FGFR3: variants seen among roughly 807,000 people sequenced by gnomAD.
FGFR3 encodes the protein fibroblast growth factor receptor 3, also known as FGFR-3.
A neutral mutation model predicts 82.9 loss-of-function variants in FGFR3; 25 were observed. The observed-to-expected ratio is 0.30, with a 90% CI of 0.22 to 0.42. The LOEUF is 0.42. Among genes scored for constraint, FGFR3 ranks in the 10% least tolerant of loss-of-function variants. FGFR3 has a pLI of 1.00. For synonymous variants in FGFR3, 620 were observed against 516.0 expected, an observed-to-expected ratio of 1.20 and a Z score of -2.73; for missense variants, 1,026 against 1,161.0, an observed-to-expected ratio of 0.88 and a Z score of 1.69.
chr4:1,796,884 A>G (rs1189341218), intron 2 of FGFR3, among the ~76,000 whole-genome samples: 2 of 152,106 alleles, frequency 1.3e-5, no homozygotes, highest in Admixed American at 6.6e-5. Context: ...TTTGTGCCAC[A>G]GTGGGGGAAA....
Position 1,803,784 on chromosome 4 carries a change from G to A in FGFR3, c.1023G>A (p.Ala341=), listed in dbSNP as rs147833498. ...FEDAGEYTCL[A]GNSIGFSHHS... is the part of the protein sequence containing the mutation. ...ACGCCGGGGAGTACACCTGCCTGGCGGGCAATTCTATTGGGTTTTCTCATC... is the reference window on the plus strand; with the variant it reads ...ACGCCGGGGAGTACACCTGCCTGGCAGGCAATTCTATTGGGTTTTCTCATC... Residue 341 remains alanine, a synonymous_variant, in exon 8 of 18, where the codon GCG becomes GCA. Coordinates refer to ENST00000440486, the MANE Select transcript of FGFR3 (RefSeq NM_000142.5). 1.0e-4 allele frequency: 164 copies of A among 1,614,084 alleles called. 1 individual carries two copies. The African/African-American group carries it at 1.3e-3, about 13-fold the overall frequency.
At chr4:1,802,521 G>C (rs536289125) in intron 7 of FGFR3, among the ~76,000 whole-genome samples, 5 of 152,216 alleles carry the variant, frequency 3.3e-5, no homozygotes. Context: ...GGACGGTTGC[G>C]ACACTCAAAG....
chr4:1,798,649 G>A (rs918912225), intron 2 of FGFR3, among the ~76,000 whole-genome samples: 13 of 151,590 alleles, frequency 8.6e-5, no homozygotes, highest in East Asian at 5.9e-4. Flanking sequence ...CTTCCTTCTC[G>A]CCTGTTCTGT....
At position 1,807,813 on chromosome 4, in the gene FGFR3, G is replaced by A. The variant is rs896389388; in HGVS notation, c.*551G>A. On this transcript the variant is annotated 3_prime_UTR_variant, in exon 18 of 18. Coordinates refer to ENST00000440486, the MANE Select transcript of FGFR3 (RefSeq NM_000142.5). ...GAGACTGAAATTACGGGTACCTGAAGATGGGAGCCTTTACCTTTTATGCAA... is the reference window on the plus strand; with the variant it reads ...GAGACTGAAATTACGGGTACCTGAAAATGGGAGCCTTTACCTTTTATGCAA... The A allele has an allele frequency of 4.1e-6, 2 of 486,978 alleles. No individual in the cohort carries two copies. The highest frequency in any genetic ancestry group is 7.8e-6 in the Non-Finnish European group (2 of 255,820). 30.2% of individuals were successfully genotyped at this position (486,978 alleles called of 1,614,324 possible). A position where few individuals can be genotyped will look rare whatever the true frequency, so the allele number is the denominator to read the frequency against.
At chr4:1,794,521 C>T (rs914145365) in intron 2 of FGFR3, among the ~76,000 whole-genome samples, 1 of 152,162 alleles carries the variant, frequency 6.6e-6, no homozygotes, top group Non-Finnish European at 1.5e-5. Flanking sequence ...CCTGCCCGCC[C>T]GAAGAGGCAG....
At chr4:1,803,130 T>C (rs1721408225) in intron 7 of FGFR3, 4 of 1,432,556 alleles carry the variant, frequency 2.8e-6, no homozygotes, top group Non-Finnish European at 3.7e-6. Flanking sequence ...CCGCGCGCCC[T>C]GCACGCCCCG....
chr4:1,806,428 G>A, intron 15 of FGFR3, 101 bp downstream of exon 15: 1 of 1,604,514 alleles, frequency 6.2e-7, no homozygotes, highest in East Asian at 2.2e-5. Context: ...GGAGCTCCTG[G>A]GTGTGGTTTC....
intron 4 of FGFR3, among the ~76,000 whole-genome samples, chr4:1,800,876 G>A (rs777857918): frequency 1.3e-5 from 2 of 152,210 alleles, no homozygotes; most frequent in East Asian, 1.9e-4. Flanking sequence ...CTGGGTGCCC[G>A]CCAGACTTGG....
chr4:1,804,525 C>G lies in FGFR3; in HGVS notation c.1266+5C>G, dbSNP rs372823935. On this transcript the variant is annotated splice_donor_5th_base_variant and intron_variant, in intron 9 of 17. Coordinates refer to ENST00000440486, the MANE Select transcript of FGFR3 (RefSeq NM_000142.5). ...CGCTTCCCGCTCAAGCGACAGGTAACAGAAAGTAGATACCAGGTTCTGAGC... is the reference window on the plus strand; with the variant it reads ...CGCTTCCCGCTCAAGCGACAGGTAAGAGAAAGTAGATACCAGGTTCTGAGC... The G allele has an allele frequency of 6.2e-7, 1 of 1,612,008 alleles. No individual in the cohort carries two copies. The highest frequency in any genetic ancestry group is 8.5e-7 in the Non-Finnish European group (1 of 1,179,918).
intron 2 of FGFR3, among the ~76,000 whole-genome samples, chr4:1,795,704 G>A (rs1184266532): frequency 1.3e-5 from 2 of 152,160 alleles, no homozygotes; most frequent in East Asian, 3.9e-4. Flanking sequence ...TCTCCCCAGG[G>A]GGCCGTATTC....
intron 7 of FGFR3, 35 bp downstream of exon 7, chr4:1,802,060 G>A (rs1374402480): frequency 6.3e-7 from 1 of 1,591,418 alleles, no homozygotes; most frequent in Admixed American, 1.8e-5. Flanking sequence ...GCCGCCGCTG[G>A]GGCTCCTGGG....
chr4:1,803,586 G>A, intron 7 of FGFR3, 106 bp from the exon 8 acceptor site: 2 of 1,521,258 alleles, frequency 1.3e-6, no homozygotes, highest in Non-Finnish European at 1.8e-6. Context: ...AGGAGTTGGT[G>A]GTGGCGGCGT....
chr4:1,796,478 C>T (rs1367598133), intron 2 of FGFR3, among the ~76,000 whole-genome samples: 2 of 152,102 alleles, frequency 1.3e-5, no homozygotes, highest in East Asian at 3.9e-4. Context: ...ACTTCATGTG[C>T]ATCCGAAACC....
intron 8 of FGFR3, 125 bp from the exon 9 acceptor site, chr4:1,804,205 G>C: frequency 9.2e-7 from 1 of 1,085,938 alleles, no homozygotes. Context: ...TCCAGACAAG[G>C]CGCGTGCTGA....
chr4:1,801,765 G>A (rs749675227), intron 6 of FGFR3, 22 bp downstream of exon 6: 14 of 1,592,756 alleles, frequency 8.8e-6, no homozygotes, highest in African/African-American at 2.7e-5. Flanking sequence ...GGGGCGGCGC[G>A]GGGGTGGGGG....
rs1013954725 is a variant in FGFR3, at chr4:1,807,818, G to C, written c.*556G>C. On this transcript the variant is annotated 3_prime_UTR_variant, in exon 18 of 18. Transcript: ENST00000440486. The stretch of plus-strand genomic sequence containing the variant: ...TGAAATTACGGGTACCTGAAGATGG[G>C]AGCCTTTACCTTTTATGCAAAAGGT... 2.1e-6 allele frequency: 1 copy of C among 477,284 alleles called. No homozygotes were observed. The highest frequency in any genetic ancestry group is 3.7e-5 in the East Asian group (1 of 27,030). 29.6% of individuals were successfully genotyped at this position (477,284 alleles called of 1,614,324 possible).
intron 7 of FGFR3, chr4:1,802,777 C>G: frequency 8.8e-7 from 1 of 1,141,958 alleles, no homozygotes; most frequent in Admixed American, 3.4e-5. Flanking sequence ...TGAAGTGCCT[C>G]CACGCCTCCT....
At chr4:1,798,390 A>G (rs1237677302) in intron 2 of FGFR3, among the ~76,000 whole-genome samples, 1 of 146,858 alleles carries the variant, frequency 6.8e-6, no homozygotes, top group South Asian at 2.2e-4. Flanking sequence ...GGGCCTCCCC[A>G]CTCCCCGGCC....
At chr4:1,806,217 G>T (rs370680005) in intron 14 of FGFR3, 40 bp from the exon 15 acceptor site, 2 of 1,612,704 alleles carry the variant, frequency 1.2e-6, no homozygotes, top group Non-Finnish European at 1.7e-6. Flanking sequence ...CATGCCAGTA[G>T]GACGCCTGGC....
Sources: allele counts gnomAD v4.1 joint callset (sites outside exome capture counted in the v4.1 genomes callset), GRCh38; gene constraint gnomAD v4.1.1; transcripts MANE v1.5; gene names NCBI Gene and HGNC (gene_info 2026-07-23, HGNC 2026-07-21).